The following ABCB5 variants were observed in gnomAD, a reference collection of about 807,000 sequenced individuals.
The protein encoded by ABCB5 is ATP-binding cassette sub-family B member 5.
Under a neutral mutation model 144.2 loss-of-function variants are expected in ABCB5, and 155 were observed. The observed-to-expected ratio is 1.08, with a 90% CI of 0.94 to 1.23. The LOEUF (loss-of-function observed/expected upper bound fraction) is 1.23. Ranked by LOEUF, ABCB5 falls within the 50% of genes most tolerant of loss-of-function variation. The probability of loss-of-function intolerance (pLI) is 0.00; values close to 1 mark genes in which losing one functional copy is unlikely to be tolerated. For missense variants in ABCB5, 1,830 were observed against 1,520.8 expected (o/e 1.20, Z -3.38); for synonymous variants, 610 against 528.6 (o/e 1.15, Z -2.11).
In ABCB5 at chr7:20,657,741, T is replaced by C. The variant is rs181789677; in HGVS notation, c.1537-765T>C. On this transcript the variant is annotated intron_variant, in intron 13 of 27. Coordinates refer to ENST00000404938, the MANE Select transcript of ABCB5 (RefSeq NM_001163941.2). ...TGTCAATACTCATAGACTTATATCC[T>C]TAAAATGGATGCATTTTATTGTGTG... Among the ~76,000 whole-genome samples the C allele has an allele frequency of 1.7e-3, 258 of 152,352 alleles. 1 individual carries two copies. The highest frequency in any genetic ancestry group is 5.8e-3 in the African/African-American group (242 of 41,580).
At chr7:20,688,646 G>A (rs1256140824) in intron 16 of ABCB5, among the ~76,000 whole-genome samples, 1 of 152,164 alleles carries the variant, frequency 6.6e-6, no homozygotes, top group Non-Finnish European at 1.5e-5. Flanking sequence ...TATAAATCAT[G>A]CTGCTATAAA....
At chr7:20,645,521 G>C (rs1335383633) in intron 7 of ABCB5, among the ~76,000 whole-genome samples, 1 of 152,182 alleles carries the variant, frequency 6.6e-6, no homozygotes, top group African/African-American at 2.4e-5. Flanking sequence ...ACATATAATG[G>C]AGAAAAGGGC....
At chr7:20,690,233 G>A (rs554983903) in intron 16 of ABCB5, among the ~76,000 whole-genome samples, 173 of 152,246 alleles carry the variant, frequency 1.1e-3, no homozygotes, top group African/African-American at 3.9e-3. Context: ...GTGACATCAC[G>A]AACGGATACC....
intron 19 of ABCB5, among the ~76,000 whole-genome samples, chr7:20,701,612 T>C (rs1476414403): frequency 6.6e-6 from 1 of 152,218 alleles, no homozygotes; most frequent in East Asian, 1.9e-4. Context: ...ATCCTCTGTC[T>C]AGCATTAGCC....
chr7:20,671,767 G>C (rs1269062283), intron 14 of ABCB5, among the ~76,000 whole-genome samples: 1 of 152,214 alleles, frequency 6.6e-6, no homozygotes, highest in Admixed American at 6.5e-5. Flanking sequence ...GGATATTACA[G>C]ATAAAGCTGT....
In ABCB5 at chr7:20,739,141, T is replaced by C. The variant is rs1381961090; in HGVS notation, c.3024+2T>C. On this transcript the variant is annotated splice_donor_variant, in intron 24 of 27. Coordinates refer to ENST00000404938, the MANE Select transcript of ABCB5 (RefSeq NM_001163941.2). LOFTEE classifies it high-confidence loss of function. ...CGCAGTCAAGAAGGGAAAAAGCCAG[T>C]AAGCACAACTGTGATCTTAAATGTC... 9 of 1,590,700 alleles carry C rather than the reference T, an allele frequency of 5.7e-6. No homozygotes were observed. The highest frequency in any genetic ancestry group is 3.5e-5 in the Admixed American group (2 of 56,404).
At position 20,713,183 on chromosome 7, in the gene ABCB5, G is replaced by C. The variant is rs1323974376; in HGVS notation, c.2421+8376G>C. Among the ~76,000 whole-genome samples the C allele has an allele frequency of 1.3e-5, 2 of 148,432 alleles. 1 individual carries two copies. The highest frequency in any genetic ancestry group is 3.0e-5 in the Non-Finnish European group (2 of 67,172). On this transcript the variant is annotated intron_variant, in intron 20 of 27. Transcript: ENST00000404938. ...TGTCAATTCTGGGTTGGTGTCCATGGATTCATTTTTATCCTTATCATAGGT... is the reference window on the plus strand; with the variant it reads ...TGTCAATTCTGGGTTGGTGTCCATGCATTCATTTTTATCCTTATCATAGGT...
Position 20,699,858 on chromosome 7 carries a change from C to T in ABCB5, c.2188C>T (p.His730Tyr). The stretch of plus-strand genomic sequence containing the variant: ...AAATAATGATAAAACCACATTAAAG[C>T]ATGATGCAGAAATTTATTCCATGAT... ...FGNNDKTTLK[H>Y]DAEIYSMIFV... Residue 730 changes from histidine (H) to tyrosine (Y), a missense_variant, in exon 18 of 28, where the codon CAT becomes TAT. Coordinates refer to ENST00000404938, the MANE Select transcript of ABCB5 (RefSeq NM_001163941.2). The T allele has an allele frequency of 6.2e-7, 1 of 1,611,636 alleles. No homozygotes were observed. Among genetic ancestry groups the T allele is most frequent in the East Asian group, 2.2e-5 (1 of 44,766 alleles).
intron 9 of ABCB5, 43 bp from the exon 10 acceptor site, chr7:20,647,492 T>C (rs1236981455): frequency 5.3e-6 from 8 of 1,514,402 alleles, no homozygotes; most frequent in Admixed American, 4.9e-5. Context: ...GTCTTTCTTA[T>C]ATAACTGCAG....
At chr7:20,752,890 T>C (rs536949731) in intron 26 of ABCB5, among the ~76,000 whole-genome samples, 37 of 152,266 alleles carry the variant, frequency 2.4e-4, no homozygotes, top group South Asian at 1.7e-3. Context: ...GGAAGATGCA[T>C]GTACCACTGA....
intron 14 of ABCB5, among the ~76,000 whole-genome samples, chr7:20,668,745 CCAGCCGCCCAG>C (rs1292465069): frequency 2.8e-5 from 4 of 142,292 alleles, no homozygotes; most frequent in East Asian, 2.3e-4. Context: ...CCCCGCCCGG[CCAGCCGCCCAG>C]TCCGGGAGGT....
chr7:20,645,995 G>T lies in ABCB5; in HGVS notation c.838G>T (p.Gly280Cys). ...TQNLKDAKDF[G>C]IKRTIASKVS... ...GAATCTCAAAGATGCAAAGGATTTT[G>T]GCATAAAAAGGACTATAGCTTCAAA... The change falls in exon 9 of 28, where the codon GGC (glycine) becomes TGC (cysteine). Residue 280 changes from glycine to cysteine, a missense_variant. Physicochemically the swap from Gly to Cys is radical, Grantham distance 159. Transcript: ENST00000404938. 6.2e-7 allele frequency: 1 copy of T among 1,613,672 alleles called. No individual in the cohort carries two copies. The highest frequency in any genetic ancestry group is 8.5e-7 in the Non-Finnish European group (1 of 1,179,764).
intron 20 of ABCB5, among the ~76,000 whole-genome samples, chr7:20,716,154 T>C (rs1239850144): frequency 1.3e-5 from 2 of 152,170 alleles, no homozygotes; most frequent in Non-Finnish European, 2.9e-5. Context: ...ATATGTTTTA[T>C]CCTTTCGACA....
chr7:20,651,840 T>G, intron 13 of ABCB5: 1 of 546,400 alleles, frequency 1.8e-6, no homozygotes, highest in South Asian at 2.4e-5. Flanking sequence ...GAGATTTTTT[T>G]GTGATTTTTA....
At chr7:20,719,808 C>G (rs1333107511) in intron 20 of ABCB5, among the ~76,000 whole-genome samples, 1 of 152,000 alleles carries the variant, frequency 6.6e-6, no homozygotes, top group Non-Finnish European at 1.5e-5. Context: ...AGGGGTATAA[C>G]AAATATGGAA....
intron 14 of ABCB5, chr7:20,659,079 A>G (rs1784910697): frequency 1.2e-6 from 2 of 1,613,950 alleles, no homozygotes; most frequent in Non-Finnish European, 1.7e-6. Context: ...ACCCCCAGGT[A>G]TTCATTTTGA....
intron 22 of ABCB5, among the ~76,000 whole-genome samples, chr7:20,727,921 G>A (rs561946382): frequency 2.3e-3 from 352 of 152,138 alleles, no homozygotes; most frequent in African/African-American, 7.9e-3. Context: ...ACTTGTAGTT[G>A]GCACCACCCT....
intron 20 of ABCB5, among the ~76,000 whole-genome samples, chr7:20,707,802 T>A (rs978696826): frequency 5.9e-4 from 2 of 3,382 alleles, no homozygotes; most frequent in African/African-American, 2.8e-3. Context: ...ACCTCATTTC[T>A]TTTTTTTTTT....
intron 23 of ABCB5, among the ~76,000 whole-genome samples, chr7:20,728,816 T>C (rs558270261): frequency 6.6e-6 from 1 of 152,234 alleles, no homozygotes. Context: ...GGTCATGTAC[T>C]TATTTACCAG....
Sources: gnomAD v4.1 joint callset for allele counts (sites outside exome capture counted in the v4.1 genomes callset) on GRCh38, gnomAD v4.1.1 for gene constraint, MANE v1.5 for transcripts, NCBI Gene and HGNC (gene_info 2026-07-23, HGNC 2026-07-21) for gene names.